The following ATP10B variants were observed in gnomAD, a reference collection of about 807,000 sequenced individuals.
The protein encoded by ATP10B is phospholipid-transporting ATPase VB.
In ATP10B, 122 loss-of-function variants were observed where a neutral mutation model predicts 141.2. The ratio of observed to expected loss-of-function variants is 0.86; its 90% confidence interval spans 0.75 to 1.00. The LOEUF (loss-of-function observed/expected upper bound fraction) is 1.00, where lower values mean the gene tolerates loss of function less well. Among genes scored for constraint, ATP10B ranks in the 50% least tolerant of loss-of-function variants. The probability of loss-of-function intolerance (pLI) is 0.00; values close to 1 mark genes in which losing one functional copy is unlikely to be tolerated. For missense variants in ATP10B, 1,876 were observed against 1,825.3 expected (o/e 1.03, Z -0.51); for synonymous variants, 685 against 692.0 (o/e 0.99, Z 0.16).
rs1462785731 is a variant in ATP10B, at chr5:160,785,549, A to G, written c.-331+10T>C. On this transcript the variant is annotated intron_variant, in intron 2 of 25. Coordinates refer to ENST00000327245, the MANE Select transcript of ATP10B (RefSeq NM_025153.3). Reference sequence around the variant, plus strand: ...TAATGACCCCACTGCCCAAGAAGTAAAGATAGTACCTGATAGGTAGATTTC... The same window carrying G: ...TAATGACCCCACTGCCCAAGAAGTAGAGATAGTACCTGATAGGTAGATTTC... The G allele has an allele frequency of 1.6e-6, 1 of 635,292 alleles. No homozygotes were observed. Among genetic ancestry groups the G allele is most frequent in the Non-Finnish European group, 2.6e-6 (1 of 391,464 alleles). The allele number at this position is 635,292 out of a possible 1,614,324, so 39.4% of individuals were successfully genotyped here. A position where few individuals can be genotyped will look rare whatever the true frequency, so the allele number is the denominator to read the frequency against.
intron 2 of ATP10B, among the ~76,000 whole-genome samples, chr5:160,732,532 T>C (rs910319935): frequency 6.6e-6 from 1 of 152,126 alleles, no homozygotes; most frequent in Non-Finnish European, 1.5e-5. Context: ...TATGCAGTTT[T>C]CCAGGCTTGA....
At chr5:160,587,998 T>A (rs1561629440) in intron 24 of ATP10B, among the ~76,000 whole-genome samples, 1 of 152,142 alleles carries the variant, frequency 6.6e-6, no homozygotes, top group Non-Finnish European at 1.5e-5. Context: ...TACGGGCACA[T>A]GCCATCATGC....
intron 8 of ATP10B, 52 bp downstream of exon 8, chr5:160,649,119 T>C (rs1760514314): frequency 3.1e-6 from 4 of 1,308,072 alleles, no homozygotes; most frequent in South Asian, 1.2e-5. Context: ...ACAATATATT[T>C]TCTAGCTGCA....
chr5:160,677,758 G>A (rs1763122886), intron 6 of ATP10B, among the ~76,000 whole-genome samples: 1 of 152,214 alleles, frequency 6.6e-6, no homozygotes, highest in South Asian at 2.1e-4. Flanking sequence ...AGCAACCCCA[G>A]AATATACTTT....
Position 160,686,255 on chromosome 5 carries a change from G to C in ATP10B, c.294C>G (p.Phe98Leu). ...EQFHRWANLY[F>L]LFLVILNWMP... ...TCCAGTTCAAAATCACCAGGAACAG[G>C]AAATAGAGGTTAGCCCATCTGGAGG... Residue 98 changes from phenylalanine to leucine, a missense_variant, in exon 6 of 26, where the codon TTC becomes TTG. Coordinates refer to ENST00000327245, the MANE Select transcript of ATP10B (RefSeq NM_025153.3). 4 of 1,599,430 alleles carry C rather than the reference G, an allele frequency of 2.5e-6. No individual in the cohort carries two copies. The highest frequency in any genetic ancestry group is 3.4e-6 in the Non-Finnish European group (4 of 1,170,052).
the ATP10B span, among the ~76,000 whole-genome samples, chr5:160,901,787 T>G: frequency 2.0e-5 from 3 of 152,228 alleles, no homozygotes; most frequent in Non-Finnish European, 2.9e-5. Context: ...TACCCAACAG[T>G]ACTTTTTATA....
intron 2 of ATP10B, among the ~76,000 whole-genome samples, chr5:160,752,724 C>T (rs1438601579): frequency 1.3e-5 from 2 of 152,140 alleles, no homozygotes; most frequent in African/African-American, 4.8e-5. Context: ...CCAGTGAAGT[C>T]AACGCGGGGA....
At chr5:160,783,406 A>T in intron 2 of ATP10B, among the ~76,000 whole-genome samples, 1 of 128,872 alleles carries the variant, frequency 7.8e-6, no homozygotes, top group African/African-American at 2.9e-5. Context: ...TGATGGATAT[A>T]TCTATCCATG....
chr5:160,874,018 T>A, the ATP10B span, among the ~76,000 whole-genome samples: 1 of 152,056 alleles, frequency 6.6e-6, no homozygotes, highest in Non-Finnish European at 1.5e-5. Flanking sequence ...AAGTTCGAAC[T>A]GGGTGGAGCC....
chr5:160,611,569 T>G (rs1757721448), intron 18 of ATP10B, among the ~76,000 whole-genome samples: 1 of 152,228 alleles, frequency 6.6e-6, no homozygotes, highest in Admixed American at 6.5e-5. Flanking sequence ...GGAAAGTAAA[T>G]GATTTTTCCA....
intron 2 of ATP10B, among the ~76,000 whole-genome samples, chr5:160,780,252 G>T (rs534099058): frequency 4.1e-4 from 62 of 152,260 alleles, no homozygotes; most frequent in African/African-American, 1.4e-3. Flanking sequence ...AGAAGTAGAA[G>T]CTGGGAGCAT....
intron 2 of ATP10B, among the ~76,000 whole-genome samples, chr5:160,733,891 G>A (rs1350164536): frequency 6.6e-6 from 1 of 151,676 alleles, no homozygotes; most frequent in Non-Finnish European, 1.5e-5. Context: ...AGATCATGAG[G>A]TCAAGAGATC....
chr5:160,698,867 CCA>C, intron 3 of ATP10B, among the ~76,000 whole-genome samples: 1 of 152,100 alleles, frequency 6.6e-6, no homozygotes. Context: ...AGTTGAGTAG[CCA>C]GAGGCAGGCG....
intron 1 of ATP10B, among the ~76,000 whole-genome samples, chr5:160,820,595 A>G (rs1774025678): frequency 6.6e-6 from 1 of 152,086 alleles, no homozygotes; most frequent in African/African-American, 2.4e-5. Context: ...CAAAAGAAGA[A>G]AATTACAGGC....
At chr5:160,845,862 T>TA (rs958613960) in intron 1 of ATP10B, among the ~76,000 whole-genome samples, 5 of 152,092 alleles carry the variant, frequency 3.3e-5, no homozygotes, top group African/African-American at 4.8e-5. Context: ...TAAAAAACAT[T>TA]AAAAAAATAC....
At chr5:160,864,862 C>T in the ATP10B span, among the ~76,000 whole-genome samples, 1 of 151,802 alleles carries the variant, frequency 6.6e-6, no homozygotes, top group East Asian at 1.9e-4. Flanking sequence ...TAGGAATATA[C>T]CTAACCAAGG....
chr5:160,643,991 C>T, intron 9 of ATP10B, 147 bp downstream of exon 9: 1 of 648,816 alleles, frequency 1.5e-6, no homozygotes, highest in South Asian at 1.8e-5. Context: ...GATTCCCAGC[C>T]TCCGTTTGCT....
chr5:160,829,851 G>C (rs1457820521), intron 1 of ATP10B, among the ~76,000 whole-genome samples: 1 of 152,064 alleles, frequency 6.6e-6, no homozygotes. Context: ...GTTGCCTTCT[G>C]GGGGAGTCCT....
intron 3 of ATP10B, among the ~76,000 whole-genome samples, chr5:160,715,324 G>C (rs1236527864): frequency 7.5e-6 from 1 of 133,256 alleles, no homozygotes; most frequent in African/African-American, 2.8e-5. Context: ...GTGGTGCGCC[G>C]TTTCTTAAGC....
Sources: allele counts gnomAD v4.1 joint callset (sites outside exome capture counted in the v4.1 genomes callset), GRCh38; gene constraint gnomAD v4.1.1; transcripts MANE v1.5; gene names NCBI Gene and HGNC (gene_info 2026-07-23, HGNC 2026-07-21).